Variants in FOXK1 observed in about 807,000 individuals in gnomAD.
FOXK1 encodes forkhead box K1, also known as forkhead box protein K1.
In FOXK1, 19 loss-of-function variants were observed where a neutral mutation model predicts 51.9. The ratio of observed to expected loss-of-function variants is 0.37; its 90% CI spans 0.26 to 0.54. The LOEUF (loss-of-function observed/expected upper bound fraction) is 0.54. FOXK1 is among the 20% of genes least tolerant of loss of function. The pLI is 0.87. For synonymous variants in FOXK1, 537 were observed against 482.6 expected, an observed-to-expected ratio of 1.11 and a Z score of -1.48; for missense variants, 870 against 1,032.7, an observed-to-expected ratio of 0.84 and a Z score of 2.16.
At chr7:4,699,852 G>A (rs189740193) in intron 1 of FOXK1, among the ~76,000 whole-genome samples, 24 of 152,194 alleles carry the variant, frequency 1.6e-4, no homozygotes, top group Non-Finnish European at 2.5e-4. Flanking sequence ...ATGTGCTTGC[G>A]TTTCCTGGGC....
At position 4,745,632 on chromosome 7, in the gene FOXK1, G is replaced by A. The variant is rs1014206480; in HGVS notation, c.746+4609G>A. Among the ~76,000 whole-genome samples, 16 of 152,182 alleles carry A rather than the reference G, an allele frequency of 1.1e-4. No homozygotes were observed. The highest frequency in any genetic ancestry group is 2.9e-4 in the African/African-American group (12 of 41,436). ...AAGGATTTTTACAGGCCAGGCGCCC[G>A]GTGGCTCAGGCCTGTAATCCCAGCA... On this transcript the variant is annotated intron_variant, in intron 2 of 8. Transcript: ENST00000328914. The surrounding 1 kb of genome is among the most constrained non-coding windows in gnomAD (Gnocchi z 4.3).
At position 4,740,839 on chromosome 7, in the gene FOXK1, T is replaced by A. The variant is rs746796410; in HGVS notation, c.562T>A (p.Cys188Ser). Residue 188 changes from cysteine (C) to serine (S), a missense_variant and splice_region_variant, in exon 2 of 9, where the codon TGT becomes AGT. This residue lies in a region of FOXK1 where 399 missense variants were observed against 475.6 expected (regional missense o/e 0.84). Coordinates refer to ENST00000328914, the MANE Select transcript of FOXK1 (RefSeq NM_001037165.2). Reference protein sequence around the residue: ...GAPALQLPKQCTFRFPSTAIK... With the variant: ...GAPALQLPKQSTFRFPSTAIK... The stretch of plus-strand genomic sequence containing the variant: ...CACCCGCTCCTCCTCCTGTTGCAGG[T>A]GTACCTTCCGGTTTCCCAGCACGGC... The A allele has an allele frequency of 6.3e-7, 1 of 1,591,496 alleles. No homozygotes were observed. Among genetic ancestry groups the A allele is most frequent in the East Asian group, 2.4e-5 (1 of 42,038 alleles).
chr7:4,736,121 C>G (rs1780549405), intron 1 of FOXK1, among the ~76,000 whole-genome samples: 1 of 152,174 alleles, frequency 6.6e-6, no homozygotes, highest in Non-Finnish European at 1.5e-5. Flanking sequence ...TGCACTCCAG[C>G]CTGAGTGACA....
chr7:4,729,047 G>A lies in FOXK1; in HGVS notation c.561-11791G>A, dbSNP rs112111797. ...AGATGAAAGTTAACCTGAATTGCTC[G>A]TCGCAAGCAAGCTCTGCCCGGGTCA... On this transcript the variant is annotated intron_variant, in intron 1 of 8. Coordinates refer to ENST00000328914, the MANE Select transcript of FOXK1 (RefSeq NM_001037165.2). The surrounding 1 kb of genome is among the most constrained non-coding windows in gnomAD (Gnocchi z 6.2). Among the ~76,000 whole-genome samples, 591 of 152,344 alleles carry A rather than the reference G, an allele frequency of 3.9e-3. 3 individuals are homozygous for A. The highest frequency in any genetic ancestry group is 0.013 in the Admixed American group (195 of 15,308).
At chr7:4,705,420 G>C (rs913681633) in intron 1 of FOXK1, among the ~76,000 whole-genome samples, 1 of 151,916 alleles carries the variant, frequency 6.6e-6, no homozygotes, top group Non-Finnish European at 1.5e-5. Flanking sequence ...GGGCTCAAGC[G>C]ATCCTCCCAC....
chr7:4,746,290 G>GAGA (rs1780701181), intron 2 of FOXK1, among the ~76,000 whole-genome samples: 1 of 152,196 alleles, frequency 6.6e-6, no homozygotes, highest in African/African-American at 2.4e-5. Flanking sequence ...GGTTTATGTT[G>GAGA]TTTTGTAAAG....
rs768878808 is a variant in FOXK1, at chr7:4,730,333, C to G, written c.561-10505C>G. Reference sequence around the variant, plus strand: ...GGCCAGGGTGAGTGATGGGCAGGCACAGAGCTGTGTCTCTGACCACCCTGC... The same window carrying G: ...GGCCAGGGTGAGTGATGGGCAGGCAGAGAGCTGTGTCTCTGACCACCCTGC... On this transcript the variant is annotated intron_variant, in intron 1 of 8. Coordinates refer to ENST00000328914, the MANE Select transcript of FOXK1 (RefSeq NM_001037165.2). This position sits in a 1 kb window ranked among gnomAD's most constrained non-coding sequence, Gnocchi z 4.7. 6.6e-6 allele frequency among the ~76,000 whole-genome samples: 1 copy of G among 152,204 alleles called. No homozygotes were observed. Among genetic ancestry groups the G allele is most frequent in the Non-Finnish European group, 1.5e-5 (1 of 68,028 alleles).
intron 2 of FOXK1, among the ~76,000 whole-genome samples, chr7:4,742,831 G>A (rs941830702): frequency 3.3e-5 from 5 of 152,340 alleles, no homozygotes; most frequent in Admixed American, 2.0e-4. Flanking sequence ...CAAGTTACCA[G>A]TGACCTACAA....
At position 4,754,443 on chromosome 7, in the gene FOXK1, C is replaced by T. The variant is rs1347913877; in HGVS notation, c.747-16C>T. On this transcript the variant is annotated splice_polypyrimidine_tract_variant and intron_variant, in intron 2 of 8. Transcript: ENST00000328914. Reference sequence around the variant, plus strand: ...CTTCAGAGCCATGAACTTACAGTGTCCTTCTCTCTCCTCAGTGTCCCCAAC... The same window carrying T: ...CTTCAGAGCCATGAACTTACAGTGTTCTTCTCTCTCCTCAGTGTCCCCAAC... 1.2e-6 allele frequency: 2 copies of T among 1,611,298 alleles called. No homozygotes were observed. Among genetic ancestry groups the T allele is most frequent in the East Asian group, 2.2e-5 (1 of 44,874 alleles).
chr7:4,744,780 C>G (rs974902813), intron 2 of FOXK1, among the ~76,000 whole-genome samples: 7 of 152,242 alleles, frequency 4.6e-5, no homozygotes, highest in Non-Finnish European at 7.3e-5. Flanking sequence ...ACCCCTTTCC[C>G]CTCCTTCCGC....
Position 4,758,076 on chromosome 7 carries a change from T to C in FOXK1, c.1244+889T>C, listed in dbSNP as rs1345231142. On this transcript the variant is annotated intron_variant, in intron 5 of 8. Coordinates refer to ENST00000328914, the MANE Select transcript of FOXK1 (RefSeq NM_001037165.2). This position sits in a 1 kb window ranked among gnomAD's most constrained non-coding sequence, Gnocchi z 4.4. ...AAGGCCAAGAATAAATGGATTGCGG[T>C]TGTGGGTCTTTTGGTAGCACTAAGC... is the stretch of plus-strand genomic sequence containing the variant. The C allele has an allele frequency of 1.3e-5, 2 of 152,192 alleles. No individual in the cohort carries two copies. Among genetic ancestry groups the C allele is most frequent in the Admixed American group, 1.3e-4 (2 of 15,272 alleles). 9.4% of individuals were successfully genotyped at this position (152,192 alleles called of 1,614,324 possible). A position where few individuals can be genotyped will look rare whatever the true frequency, so the allele number is the denominator to read the frequency against.
chr7:4,717,732 C>T (rs982305891), intron 1 of FOXK1, among the ~76,000 whole-genome samples: 1 of 152,182 alleles, frequency 6.6e-6, no homozygotes, highest in African/African-American at 2.4e-5. Context: ...GCTTCATCTG[C>T]ACGAGGAGGC....
Position 4,730,574 on chromosome 7 carries a change from C to T in FOXK1, c.561-10264C>T, listed in dbSNP as rs1780437950. ...GTCAGGGACCTTGCCGACCCAGCCC[C>T]CGCCCCGCCTTCAAGTTTGTGCCTT... is the stretch of plus-strand genomic sequence containing the variant. On this transcript the variant is annotated intron_variant, in intron 1 of 8. Transcript: ENST00000328914. The surrounding 1 kb of genome is among the most constrained non-coding windows in gnomAD (Gnocchi z 4.7). 6.6e-6 allele frequency among the ~76,000 whole-genome samples: 1 copy of T among 152,150 alleles called. No individual in the cohort carries two copies. Among genetic ancestry groups the T allele is most frequent in the South Asian group, 2.1e-4 (1 of 4,820 alleles).
chr7:4,682,833 G>A lies in FOXK1; in HGVS notation c.525G>A (p.Gln175=), dbSNP rs1205563520. ...GCGTCTTCGTGGACGGGGCCTTCCA[G>A]AGACGCGGCGCGCCCGCCCTGCAGC... ...KNGVFVDGAF[Q]RRGAPALQLP... Residue 175 remains glutamine, a synonymous_variant, in exon 1 of 9, where the codon CAG becomes CAA. Transcript: ENST00000328914. This position sits in a 1 kb window ranked among gnomAD's most constrained non-coding sequence, Gnocchi z 7.6. The A allele has an allele frequency of 6.4e-7, 1 of 1,567,912 alleles. No individual in the cohort carries two copies. The highest frequency in any genetic ancestry group is 8.6e-7 in the Non-Finnish European group (1 of 1,162,780).
rs552809140 is a variant in FOXK1 at position 4,739,823 on chromosome 7, C to T, written c.561-1015C>T. On this transcript the variant is annotated intron_variant, in intron 1 of 8. Coordinates refer to ENST00000328914, the MANE Select transcript of FOXK1 (RefSeq NM_001037165.2). Reference sequence around the variant, plus strand: ...TGAAAATGTCTGCATAGGTGGTTGCCGTGCTATTTCAGTCTTCCAGTGTGT... The same window carrying T: ...TGAAAATGTCTGCATAGGTGGTTGCTGTGCTATTTCAGTCTTCCAGTGTGT... Among the ~76,000 whole-genome samples, 10 of 152,316 alleles carry T rather than the reference C, an allele frequency of 6.6e-5. No individual in the cohort carries two copies. In the South Asian group the frequency reaches 1.7e-3, roughly 25 times the overall value.
rs940238151 is a variant in FOXK1 at position 4,745,378 on chromosome 7, G to GC, written c.746+4361dup. Among the ~76,000 whole-genome samples the GC allele has an allele frequency of 2.0e-5, 3 of 150,264 alleles. No individual in the cohort carries two copies. Among genetic ancestry groups the GC allele is most frequent in the African/African-American group, 2.4e-5 (1 of 40,878 alleles). Reference sequence around the variant, plus strand: ...TCCCTGATCAGCTGCCCCTGCCCCCGCCCCCCGCGCCACCCTGCGTCCTTC... The same window carrying GC: ...TCCCTGATCAGCTGCCCCTGCCCCCGCCCCCCCGCGCCACCCTGCGTCCTTC... On this transcript the variant is annotated intron_variant, in intron 2 of 8. Transcript: ENST00000328914. This position sits in a 1 kb window ranked among gnomAD's most constrained non-coding sequence, Gnocchi z 4.3.
chr7:4,731,638 TA>T lies in FOXK1; in HGVS notation c.561-9198del, dbSNP rs1321394569. ...AGCCGGGCATGGTGGTGGGCACCTGTAATCCCAGCTACTCGGGAGGCTGAGG... is the reference window on the plus strand; with the variant it reads ...AGCCGGGCATGGTGGTGGGCACCTGTATCCCAGCTACTCGGGAGGCTGAGG... On this transcript the variant is annotated intron_variant, in intron 1 of 8. Coordinates refer to ENST00000328914, the MANE Select transcript of FOXK1 (RefSeq NM_001037165.2). The surrounding 1 kb of genome is among the most constrained non-coding windows in gnomAD (Gnocchi z 5.3). Among the ~76,000 whole-genome samples the T allele has an allele frequency of 6.6e-6, 1 of 151,206 alleles. No homozygotes were observed. The highest frequency in any genetic ancestry group is 2.4e-5 in the African/African-American group (1 of 41,064).
chr7:4,737,514 G>A (rs1419194881), intron 1 of FOXK1, among the ~76,000 whole-genome samples: 7 of 151,192 alleles, frequency 4.6e-5, no homozygotes, highest in South Asian at 2.1e-4. Context: ...GGGCGTGTCC[G>A]TGCATGCATG....
rs962146884 is a variant in FOXK1 at position 4,729,549 on chromosome 7, C to T, written c.561-11289C>T. ...ACTGCCGGGCCCCGGGAGCCCCACCCGGCAGGACACACACCTGAGCCCCAG... is the reference window on the plus strand; with the variant it reads ...ACTGCCGGGCCCCGGGAGCCCCACCTGGCAGGACACACACCTGAGCCCCAG... On this transcript the variant is annotated intron_variant, in intron 1 of 8. Coordinates refer to ENST00000328914, the MANE Select transcript of FOXK1 (RefSeq NM_001037165.2). This position sits in a 1 kb window ranked among gnomAD's most constrained non-coding sequence, Gnocchi z 6.2. Among the ~76,000 whole-genome samples, 2 of 152,204 alleles carry T rather than the reference C, an allele frequency of 1.3e-5. No individual in the cohort carries two copies. Among genetic ancestry groups the T allele is most frequent in the Non-Finnish European group, 1.5e-5 (1 of 68,032 alleles).
Sources: allele counts gnomAD v4.1 joint callset (sites outside exome capture counted in the v4.1 genomes callset), GRCh38; gene constraint gnomAD v4.1.1; regional missense constraint gnomAD v4.1.1; non-coding constraint Gnocchi (gnomAD v3.1); transcripts MANE v1.5; gene names NCBI Gene and HGNC (gene_info 2026-07-23, HGNC 2026-07-21).